Variants in PHLPP2 observed in about 807,000 individuals in gnomAD.
PHLPP2 encodes the protein PH domain leucine-rich repeat-containing protein phosphatase 2.
In PHLPP2, 66 loss-of-function variants were observed where a neutral mutation model predicts 124.9. The ratio of observed to expected loss-of-function variants is 0.53; its 90% CI spans 0.43 to 0.65. The LOEUF (loss-of-function observed/expected upper bound fraction) is 0.65. Among genes scored for constraint, PHLPP2 ranks in the 30% least tolerant of loss-of-function variants. The pLI is 0.00. For synonymous variants in PHLPP2, 681 were observed against 624.7 expected (o/e 1.09, Z -1.34); for missense variants, 1,685 against 1,600.4 (o/e 1.05, Z -0.90).
chr16:71,679,087 A>G (rs572320501), intron 7 of PHLPP2, 102 bp from the exon 8 acceptor site: 5 of 691,880 alleles, frequency 7.2e-6, no homozygotes, highest in African/African-American at 1.8e-5. Context: ...TTTATTATCA[A>G]TCCCAAAATA....
intron 3 of PHLPP2, among the ~76,000 whole-genome samples, chr16:71,699,890 C>T (rs1245543326): frequency 6.6e-6 from 1 of 152,220 alleles, no homozygotes; most frequent in East Asian, 1.9e-4. Context: ...CCTGCACTCG[C>T]TCTCCTATGC....
intron 6 of PHLPP2, 24 bp from the exon 7 acceptor site, chr16:71,679,559 G>A (rs769263445): frequency 3.2e-5 from 51 of 1,606,198 alleles, no homozygotes; most frequent in Middle Eastern, 1.6e-4. Flanking sequence ...GCAAAAATGG[G>A]TATTGCATTT....
intron 2 of PHLPP2, among the ~76,000 whole-genome samples, chr16:71,704,307 C>CAAAAAA (rs56882820): frequency 1.0e-5 from 1 of 98,750 alleles, no homozygotes; most frequent in African/African-American, 4.1e-5. Context: ...GACTCTGTCT[C>CAAAAAA]AAAAAAAAAA....
intron 4 of PHLPP2, among the ~76,000 whole-genome samples, chr16:71,689,265 G>C (rs1428026172): frequency 6.6e-6 from 1 of 151,494 alleles, no homozygotes; most frequent in Non-Finnish European, 1.5e-5. Context: ...CATAAGGCTA[G>C]GATACGGTAG....
intron 15 of PHLPP2, among the ~76,000 whole-genome samples, chr16:71,657,395 T>C (rs2044751151): frequency 6.8e-6 from 1 of 146,168 alleles, no homozygotes; most frequent in Non-Finnish European, 1.5e-5. Context: ...ATATTATCTT[T>C]TTTTTTTTCT....
Position 71,714,691 on chromosome 16 carries a change from A to AAGG in PHLPP2, c.102_104dup (p.Leu35dup), listed in dbSNP as rs1307575984. On this transcript the variant is annotated inframe_insertion, in exon 2 of 19. Coordinates refer to ENST00000568954, the MANE Select transcript of PHLPP2 (RefSeq NM_015020.3). ...TGGCAGTGGTAGTGTCTGCTCCATA[A>AAGG]AGGTAAACACAGCCTCTCTTTACAT... The AAGG allele has an allele frequency of 1.2e-6, 2 of 1,613,914 alleles. No individual in the cohort carries two copies. Among genetic ancestry groups the AAGG allele is most frequent in the Non-Finnish European group, 1.7e-6 (2 of 1,179,938 alleles).
intron 1 of PHLPP2, chr16:71,715,416 C>G (rs1359147522): frequency 6.6e-6 from 1 of 152,458 alleles, no homozygotes; most frequent in East Asian, 1.9e-4. Context: ...TGGCTCACAT[C>G]TGTAATCCCA....
chr16:71,682,946 G>A (rs1022281625), intron 5 of PHLPP2, among the ~76,000 whole-genome samples: 17 of 152,232 alleles, frequency 1.1e-4, no homozygotes, highest in Non-Finnish European at 8.8e-5. Context: ...CAAGGCGGGC[G>A]GATCACCTGA....
At chr16:71,668,585 AG>A (rs2145323921) in intron 11 of PHLPP2, among the ~76,000 whole-genome samples, 1 of 152,114 alleles carries the variant, frequency 6.6e-6, no homozygotes, top group Admixed American at 6.5e-5. Context: ...AATATAGCAA[AG>A]CCCCGTCTCT....
intron 2 of PHLPP2, 25 bp downstream of exon 2, chr16:71,714,487 T>TA: frequency 6.4e-7 from 1 of 1,563,028 alleles, no homozygotes; most frequent in Admixed American, 1.9e-5. Context: ...ACGGTAGAAT[T>TA]AGAGTGGTAA....
At chr16:71,671,674 G>A (rs2044894326) in intron 10 of PHLPP2, among the ~76,000 whole-genome samples, 1 of 151,938 alleles carries the variant, frequency 6.6e-6, no homozygotes, top group Non-Finnish European at 1.5e-5. Context: ...CAGCACTTTG[G>A]AAGGCCAAGG....
At chr16:71,700,932 A>G (rs982558377) in intron 3 of PHLPP2, among the ~76,000 whole-genome samples, 5 of 152,176 alleles carry the variant, frequency 3.3e-5, no homozygotes, top group Non-Finnish European at 5.9e-5. Context: ...ATGTGTGTAT[A>G]CGTGTGTCTC....
chr16:71,655,204 G>C, intron 17 of PHLPP2, 36 bp downstream of exon 17: 11 of 1,417,582 alleles, frequency 7.8e-6, no homozygotes, highest in Non-Finnish European at 1.1e-5. Context: ...TCCAAAAGTA[G>C]AACTGAGTTA....
At chr16:71,718,669 C>T (rs2045379149) in intron 1 of PHLPP2, among the ~76,000 whole-genome samples, 1 of 151,286 alleles carries the variant, frequency 6.6e-6, no homozygotes, top group Non-Finnish European at 1.5e-5. Context: ...GGTTCAAGAC[C>T]AGCCTGGGCA....
chr16:71,668,364 C>T lies in PHLPP2; in HGVS notation c.1628+911G>A, dbSNP rs549085780. ...TCAGGAGGCAGAGCTTGCAGTGAGCCGAGATCGCGCCACTGCACTCCAGCC... is the reference window on the plus strand; with the variant it reads ...TCAGGAGGCAGAGCTTGCAGTGAGCTGAGATCGCGCCACTGCACTCCAGCC... On this transcript the variant is annotated intron_variant, in intron 11 of 18. Coordinates refer to ENST00000568954, the MANE Select transcript of PHLPP2 (RefSeq NM_015020.3). Among the ~76,000 whole-genome samples the T allele has an allele frequency of 1.4e-3, 199 of 141,854 alleles. 6 individuals are homozygous for T. In the South Asian group the frequency reaches 0.042, roughly 30 times the overall value. 93.1% of individuals were successfully genotyped at this position (141,854 alleles called of 152,430 possible). A position where few individuals can be genotyped will look rare whatever the true frequency, so the allele number is the denominator to read the frequency against.
intron 2 of PHLPP2, among the ~76,000 whole-genome samples, chr16:71,703,800 T>C (rs774544362): frequency 2.0e-5 from 3 of 152,220 alleles, no homozygotes; most frequent in Non-Finnish European, 4.4e-5. Context: ...TTCAACAAGA[T>C]ACTATATAGT....
chr16:71,695,446 T>C (rs1489263892), intron 3 of PHLPP2, among the ~76,000 whole-genome samples: 2 of 152,160 alleles, frequency 1.3e-5, no homozygotes, highest in Non-Finnish European at 2.9e-5. Context: ...CAGTGGCTCA[T>C]GCCTGTAATC....
rs2044681755 is a variant in PHLPP2, at chr16:71,649,684, T to C, written c.3178A>G (p.Thr1060Ala). 6.2e-6 allele frequency: 10 copies of C among 1,613,974 alleles called. No homozygotes were observed. The highest frequency in any genetic ancestry group is 1.3e-5 in the African/African-American group (1 of 74,910). The part of the protein sequence containing the change: ...PGPVGFASTT[T>A]IKDAPKPATP... ...GCTGGCTTAGGGGCATCCTTGATAG[T>C]GGTGGTTGAAGCAAATCCCACAGGA... The change falls in exon 19 of 19, where the codon ACT (threonine) becomes GCT (alanine). Residue 1060 changes from threonine to alanine, a missense_variant. By Grantham distance (58) the Thr-to-Ala change is moderately conservative (BLOSUM62 0). Transcript: ENST00000568954.
At chr16:71,703,747 A>G (rs544414489) in intron 2 of PHLPP2, among the ~76,000 whole-genome samples, 7 of 152,336 alleles carry the variant, frequency 4.6e-5, no homozygotes, top group Admixed American at 4.6e-4. Flanking sequence ...TGGGAATAGC[A>G]ACAATACCTA....
Sources: gnomAD v4.1 joint callset for allele counts (sites outside exome capture counted in the v4.1 genomes callset) on GRCh38, gnomAD v4.1.1 for gene constraint, MANE v1.5 for transcripts, NCBI Gene and HGNC (gene_info 2026-07-23, HGNC 2026-07-21) for gene names.